The following ZER1 variants were observed in gnomAD, a reference collection of about 807,000 sequenced individuals.
ZER1 encodes the protein zyg-11 related cell cycle regulator, also known as protein zer-1 homolog.
A neutral mutation model predicts 78.8 loss-of-function variants in ZER1; 11 were observed. The ratio of observed to expected loss-of-function variants is 0.14; its 90% CI spans 0.09 to 0.23. ZER1 has a LOEUF of 0.23. ZER1 is among the 10% of genes least tolerant of loss of function. The pLI is 1.00. For missense variants in ZER1, 588 were observed against 996.9 expected, an observed-to-expected ratio of 0.59 and a Z score of 5.52; for synonymous variants, 400 against 407.0, an observed-to-expected ratio of 0.98 and a Z score of 0.21.
chr9:128,742,816 T>G, intron 8 of ZER1, 71 bp from the exon 9 acceptor site: 6 of 1,459,564 alleles, frequency 4.1e-6, no homozygotes, highest in Non-Finnish European at 5.5e-6. Flanking sequence ...AGGAACTATC[T>G]AGAGGTATGA....
chr9:128,752,610 T>C (rs1863716293), intron 5 of ZER1, 63 bp downstream of exon 5: 1 of 1,513,956 alleles, frequency 6.6e-7, no homozygotes, highest in South Asian at 1.3e-5. Context: ...CGTGAGCCAC[T>C]GCGCCAGCCT....
In ZER1 at chr9:128,741,622, G is replaced by A. The variant is rs969189059; in HGVS notation, c.1650C>T (p.Ala550=). The A allele has an allele frequency of 2.5e-6, 4 of 1,614,006 alleles. No homozygotes were observed. In the African/African-American group the frequency reaches 5.3e-5, roughly 22 times the overall value. ...CDQVMEFSWS[A]LWNITDETPD... Reference sequence around the variant, plus strand: ...GAGTTTCATCTGTGATGTTCCACAGGGCACTCCAGGAGAACTCCATGACCT... The same window carrying A: ...GAGTTTCATCTGTGATGTTCCACAGAGCACTCCAGGAGAACTCCATGACCT... The change falls in exon 11 of 16, where the codon GCC becomes GCT. Residue 550 remains alanine (A), a synonymous_variant. Coordinates refer to ENST00000291900, the MANE Select transcript of ZER1 (RefSeq NM_006336.4).
At position 128,755,352 on chromosome 9, in the gene ZER1, C is replaced by CTCTATACACAT. The variant is rs1397914107; in HGVS notation, c.158+45_158+55dup. ...CATAGTGCACACACGGTCCCAATCT[C>CTCTATACACAT]TCTATACACATTCATGGTAAGACCC... On this transcript the variant is annotated intron_variant, in intron 2 of 15. Transcript: ENST00000291900. This position sits in a 1 kb window ranked among gnomAD's most constrained non-coding sequence, Gnocchi z 5.6. 2.5e-6 allele frequency: 4 copies of CTCTATACACAT among 1,606,528 alleles called. No individual in the cohort carries two copies. Among genetic ancestry groups the CTCTATACACAT allele is most frequent in the Non-Finnish European group, 3.4e-6 (4 of 1,174,196 alleles).
At chr9:128,758,672 T>C (rs1445715503) in intron 1 of ZER1, among the ~76,000 whole-genome samples, 1 of 152,018 alleles carries the variant, frequency 6.6e-6, no homozygotes, top group Non-Finnish European at 1.5e-5. Flanking sequence ...ACTCTTGTGC[T>C]CAAGCAATCT....
At position 128,753,537 on chromosome 9, in the gene ZER1, TC is replaced by T; in HGVS notation, c.372del (p.Arg125GlyfsTer10). 1 of 1,614,098 alleles carries T rather than the reference TC, an allele frequency of 6.2e-7. No individual in the cohort carries two copies. The highest frequency in any genetic ancestry group is 8.5e-7 in the Non-Finnish European group (1 of 1,180,036). ...GACACCAGGGTGTGGCTGAAGCTCC[TC>T]AGTGTCTGCAGGCTCTTGGCGGACA... ...EKLSAKSLQT[L>X]RSFSHTLVSL... On this transcript the variant is annotated frameshift_variant, in exon 4 of 16. Transcript: ENST00000291900. LOFTEE classifies it high-confidence loss of function. The surrounding 1 kb of genome is among the most constrained non-coding windows in gnomAD (Gnocchi z 7.5).
At chr9:128,744,398 T>TG (rs1289546540) in intron 8 of ZER1, among the ~76,000 whole-genome samples, 1 of 151,264 alleles carries the variant, frequency 6.6e-6, no homozygotes, top group Admixed American at 6.6e-5. Context: ...TTTACCATGT[T>TG]GGCCAAGATG....
intron 9 of ZER1, 149 bp from the exon 10 acceptor site, chr9:128,741,990 T>C (rs1863315799): frequency 1.8e-6 from 2 of 1,083,318 alleles, no homozygotes; most frequent in South Asian, 2.8e-5. Flanking sequence ...GGGAGGCTAT[T>C]TGAAGGCATC....
chr9:128,734,175 AAAAT>A (rs1235703213), intron 14 of ZER1, among the ~76,000 whole-genome samples: 1 of 73,658 alleles, frequency 1.4e-5, no homozygotes, highest in Non-Finnish European at 3.1e-5. Flanking sequence ...AATCTTAAAA[AAAAT>A]ATATATATAT....
chr9:128,743,893 CTTTTTTTTT>C (rs35174986), intron 8 of ZER1, among the ~76,000 whole-genome samples: 4 of 38,506 alleles, frequency 1.0e-4, no homozygotes, highest in African/African-American at 3.4e-4. Context: ...ATGGCCCCTG[CTTTTTTTTT>C]TTTTTTTTTT....
At chr9:128,772,292 G>GTGGC (rs1864411335), upstream of ZER1, 4 of 152,496 alleles carry the variant, frequency 2.6e-5, no homozygotes, top group Admixed American at 2.0e-4. Flanking sequence ...TTCTCCACGG[G>GTGGC]TGGCTCACAC....
chr9:128,765,819 C>T (rs1410142650), intron 1 of ZER1, among the ~76,000 whole-genome samples: 1 of 152,060 alleles, frequency 6.6e-6, no homozygotes, highest in East Asian at 1.9e-4. Context: ...CAGGTGAAAA[C>T]CAGACGCCAC....
intron 14 of ZER1, among the ~76,000 whole-genome samples, chr9:128,734,758 T>C (rs1191159071): frequency 6.6e-6 from 1 of 152,176 alleles, no homozygotes; most frequent in Non-Finnish European, 1.5e-5. Context: ...GGATATTCTT[T>C]TTCAACAAAT....
Position 128,755,969 on chromosome 9 carries a change from A to T in ZER1, c.-94-310T>A, listed in dbSNP as rs7047047. 0.43 allele frequency among the ~76,000 whole-genome samples: 65,586 copies of T among 151,980 alleles called. 14,619 individuals are homozygous for T. The highest frequency in any genetic ancestry group is 0.63 in the East Asian group (3,245 of 5,174). On this transcript the variant is annotated intron_variant, in intron 1 of 15. Transcript: ENST00000291900. The surrounding 1 kb of genome is among the most constrained non-coding windows in gnomAD (Gnocchi z 5.6). ...TCACTCTTCAGCTTCCCACAGTCTGAAGAGCTACACTGGGGTGTTCCATGC... is the reference window on the plus strand; with the variant it reads ...TCACTCTTCAGCTTCCCACAGTCTGTAGAGCTACACTGGGGTGTTCCATGC...
Position 128,733,454 on chromosome 9 carries a change from C to A in ZER1, c.2215G>T (p.Ala739Ser), listed in dbSNP as rs752380674. The change falls in exon 15 of 16, where the codon GCA (alanine) becomes TCA (serine). Residue 739 changes from alanine (A) to serine (S), a missense_variant. This residue lies in a region of ZER1 where 122 missense variants were observed against 173.5 expected (regional missense o/e 0.70). Transcript: ENST00000291900. The stretch of plus-strand genomic sequence containing the variant: ...GCCATTTCCTTGGTCTCCTGCCGTG[C>A]GGTCGCCATCTTAATTATGTCCCTC... ...LLRDIIKMATARQETKEMARK... is the reference protein window; with the variant it reads ...LLRDIIKMATSRQETKEMARK... The A allele has an allele frequency of 6.2e-7, 1 of 1,613,878 alleles. No individual in the cohort carries two copies. The highest frequency in any genetic ancestry group is 8.5e-7 in the Non-Finnish European group (1 of 1,179,912).
intron 5 of ZER1, among the ~76,000 whole-genome samples, chr9:128,752,327 CT>C (rs144410732): frequency 0.02 from 2,810 of 143,088 alleles, 33 homozygotes; most frequent in Middle Eastern, 0.034. Flanking sequence ...CAAATACTTT[CT>C]TTTTTTTTTT....
Position 128,753,087 on chromosome 9 carries a change from C to T in ZER1, c.746+77G>A, listed in dbSNP as rs765201631. 3.1e-5 allele frequency: 43 copies of T among 1,394,508 alleles called. No homozygotes were observed. The highest frequency in any genetic ancestry group is 2.5e-4 in the Middle Eastern group (1 of 3,960). 86.4% of individuals were successfully genotyped at this position (1,394,508 alleles called of 1,614,324 possible). ...GCCAAGCGCTCCTGAACCCTGAGGG[C>T]GTGACAACACCCACCTCTACTCCTC... On this transcript the variant is annotated intron_variant, in intron 4 of 15. Transcript: ENST00000291900. The surrounding 1 kb of genome is among the most constrained non-coding windows in gnomAD (Gnocchi z 7.5).
chr9:128,739,063 G>A (rs1863195552), intron 13 of ZER1, among the ~76,000 whole-genome samples: 1 of 151,194 alleles, frequency 6.6e-6, no homozygotes, highest in South Asian at 2.1e-4. Flanking sequence ...TGTTGGGCAG[G>A]CTGGTCTTGA....
chr9:128,765,212 TACACACACAC>T (rs60923356), intron 1 of ZER1, among the ~76,000 whole-genome samples: 3,644 of 149,774 alleles, frequency 0.024, 105 homozygotes, highest in African/African-American at 0.066. Context: ...CATGCACATG[TACACACACAC>T]ACACACACAC....
intron 13 of ZER1, among the ~76,000 whole-genome samples, chr9:128,738,170 G>A (rs542854728): frequency 8.7e-5 from 13 of 148,680 alleles, no homozygotes; most frequent in Non-Finnish European, 1.5e-4. Context: ...TCAGCCTCCC[G>A]AGTAGCTGGG....
Sources: gnomAD v4.1 joint callset for allele counts (sites outside exome capture counted in the v4.1 genomes callset) on GRCh38, gnomAD v4.1.1 for gene constraint, gnomAD v4.1.1 regional missense constraint, Gnocchi (gnomAD v3.1) non-coding constraint, MANE v1.5 for transcripts, NCBI Gene and HGNC (gene_info 2026-07-23, HGNC 2026-07-21) for gene names.